ADGRL4: variants seen among roughly 807,000 people sequenced by gnomAD.
ADGRL4 encodes the protein adhesion G protein-coupled receptor L4.
In ADGRL4, 90 loss-of-function variants were observed where a neutral mutation model predicts 74.8. The observed-to-expected ratio is 1.20, with a 90% CI of 1.02 to 1.43. The LOEUF (loss-of-function observed/expected upper bound fraction) is 1.43. ADGRL4 is among the 40% of genes most tolerant of loss of function. The pLI is 0.00. For synonymous variants in ADGRL4, 311 were observed against 279.2 expected (o/e 1.11, Z -1.14); for missense variants, 881 against 814.3 (o/e 1.08, Z -1.00).
intron 2 of ADGRL4, among the ~76,000 whole-genome samples, chr1:78,975,088 A>G (rs1225358087): frequency 1.3e-5 from 2 of 152,134 alleles, no homozygotes; most frequent in Non-Finnish European, 2.9e-5. Context: ...TTTGACTCCT[A>G]TTACAATCAT....
chr1:78,895,250 G>GTATCATTATCCGC (rs1648369416), intron 12 of ADGRL4, among the ~76,000 whole-genome samples: 1 of 151,886 alleles, frequency 6.6e-6, no homozygotes, highest in Admixed American at 6.6e-5. Context: ...CACATTCATT[G>GTATCATTATCCGC]ATAATAATAC....
Position 79,005,212 on chromosome 1 carries a change from A to T in ADGRL4, c.30T>A (p.Phe10Leu). ...TATAGGAACAATTCAACAAAGTGGA[A>T]AAAACCACTAAATAAAATAGAGAAA... The part of the protein sequence containing the change: MKRLPLLVV[F>L]STLLNCSYTQ... Residue 10 changes from phenylalanine to leucine, a missense_variant, in exon 2 of 15, where the codon TTT becomes TTA. Physicochemically the swap from Phe to Leu is conservative, Grantham distance 22 (BLOSUM62 0). Coordinates refer to ENST00000370742, the MANE Select transcript of ADGRL4 (RefSeq NM_022159.4). 1 of 1,604,660 alleles carries T rather than the reference A, an allele frequency of 6.2e-7. No individual in the cohort carries two copies. Among genetic ancestry groups the T allele is most frequent in the Non-Finnish European group, 8.5e-7 (1 of 1,176,678 alleles).
intron 8 of ADGRL4, among the ~76,000 whole-genome samples, chr1:78,923,608 G>T (rs1649045967): frequency 6.6e-6 from 1 of 151,836 alleles, no homozygotes; most frequent in Admixed American, 6.6e-5. Flanking sequence ...AAAGTCAAGA[G>T]CAAGATGATG....
At chr1:78,987,406 A>G (rs1650520162) in intron 2 of ADGRL4, among the ~76,000 whole-genome samples, 1 of 151,788 alleles carries the variant, frequency 6.6e-6, no homozygotes, top group South Asian at 2.1e-4. Flanking sequence ...GGGTAAATAT[A>G]AAATAAACAA....
chr1:78,895,348 A>T (rs932280986), intron 12 of ADGRL4, among the ~76,000 whole-genome samples: 4 of 152,058 alleles, frequency 2.6e-5, no homozygotes, highest in Non-Finnish European at 4.4e-5. Flanking sequence ...AGGGCTAGGT[A>T]CCTACTGATG....
chr1:79,000,860 T>A (rs1650825712), intron 2 of ADGRL4, among the ~76,000 whole-genome samples: 1 of 152,130 alleles, frequency 6.6e-6, no homozygotes, highest in Non-Finnish European at 1.5e-5. Flanking sequence ...ACAAATTTGA[T>A]ACATGACTCT....
intron 7 of ADGRL4, among the ~76,000 whole-genome samples, chr1:78,933,464 G>A (rs1190620637): frequency 1.3e-5 from 2 of 151,472 alleles, no homozygotes; most frequent in Middle Eastern, 3.4e-3. Flanking sequence ...CAAACCCACA[G>A]CCAATATCAT....
chr1:78,972,237 C>T (rs554443693), intron 2 of ADGRL4, among the ~76,000 whole-genome samples: 2 of 152,200 alleles, frequency 1.3e-5, no homozygotes, highest in South Asian at 2.1e-4. Context: ...GTATTTATCT[C>T]CATGGCATAT....
intron 2 of ADGRL4, among the ~76,000 whole-genome samples, chr1:79,001,706 A>C (rs1316305827): frequency 6.6e-6 from 1 of 152,162 alleles, no homozygotes; most frequent in African/African-American, 2.4e-5. Flanking sequence ...CCATCTTTTT[A>C]GGTAAGCAAA....
chr1:78,905,566 A>G (rs1372824460), intron 12 of ADGRL4, among the ~76,000 whole-genome samples: 2 of 152,016 alleles, frequency 1.3e-5, no homozygotes, highest in Non-Finnish European at 2.9e-5. Context: ...GAATACAAAA[A>G]CAAACAAATG....
chr1:78,940,809 C>A lies in ADGRL4; in HGVS notation c.326-1551G>T, dbSNP rs562450565. Among the ~76,000 whole-genome samples the A allele has an allele frequency of 2.0e-5, 3 of 152,090 alleles. No homozygotes were observed. In the East Asian group the frequency reaches 5.8e-4, roughly 29 times the overall value. ...GCTAGTTATCTTAAATGCAGGTGTT[C>A]GTAATTTCTCACTCAAAAATCCAAC... On this transcript the variant is annotated intron_variant, in intron 3 of 14. Coordinates refer to ENST00000370742, the MANE Select transcript of ADGRL4 (RefSeq NM_022159.4).
At chr1:79,003,996 T>C (rs575190829) in intron 2 of ADGRL4, among the ~76,000 whole-genome samples, 1 of 152,188 alleles carries the variant, frequency 6.6e-6, no homozygotes, top group South Asian at 2.1e-4. Context: ...GCTGTACATT[T>C]TTTAAATATT....
chr1:78,933,577 C>T (rs751822099), intron 7 of ADGRL4, among the ~76,000 whole-genome samples: 2 of 151,218 alleles, frequency 1.3e-5, no homozygotes, highest in African/African-American at 2.5e-5. Flanking sequence ...GAGTTCTGGC[C>T]AGGGCAATCA....
At chr1:78,912,534 G>A (rs1184223453) in intron 12 of ADGRL4, among the ~76,000 whole-genome samples, 1 of 151,812 alleles carries the variant, frequency 6.6e-6, no homozygotes, top group African/African-American at 2.4e-5. Context: ...CTCCTTATGA[G>A]AATCTAATGC....
intron 12 of ADGRL4, among the ~76,000 whole-genome samples, chr1:78,897,010 T>G (rs947014018): frequency 1.3e-5 from 2 of 152,192 alleles, no homozygotes; most frequent in African/African-American, 2.4e-5. Flanking sequence ...AATGCCATCT[T>G]GCCTACATAC....
At chr1:79,001,422 A>AAAAGAAAGAAAGAAAG (rs201049265) in intron 2 of ADGRL4, among the ~76,000 whole-genome samples, 40 of 151,890 alleles carry the variant, frequency 2.6e-4, no homozygotes, top group African/African-American at 9.2e-4. Flanking sequence ...CTTAAGACAA[A>AAAAGAAAGAAAGAAAG]AAAGAAAGAA....
At chr1:78,964,497 G>A (rs759794625) in intron 2 of ADGRL4, among the ~76,000 whole-genome samples, 32 of 152,274 alleles carry the variant, frequency 2.1e-4, no homozygotes, top group South Asian at 8.3e-4. Flanking sequence ...ACTGTAGGCA[G>A]CTTAGATTAG....
intron 2 of ADGRL4, among the ~76,000 whole-genome samples, chr1:78,973,363 A>G (rs1395739313): frequency 1.3e-5 from 2 of 151,884 alleles, no homozygotes; most frequent in Non-Finnish European, 2.9e-5. Flanking sequence ...TTATTTGTGA[A>G]TGTTCTACTT....
chr1:78,891,653 G>C lies in ADGRL4; in HGVS notation c.1881C>G (p.Leu627=), dbSNP rs767260258. 3.1e-6 allele frequency: 5 copies of C among 1,613,108 alleles called. No individual in the cohort carries two copies. Among genetic ancestry groups the C allele is most frequent in the Admixed American group, 1.7e-5 (1 of 59,868 alleles). Residue 627 remains leucine, a synonymous_variant, in exon 14 of 15, where the codon CTC becomes CTG. Coordinates refer to ENST00000370742, the MANE Select transcript of ADGRL4 (RefSeq NM_022159.4). ...ARGALALLFL[L]GTTWIFGVLH... ...GAACCCCAAAGATCCAGGTGGTGCC[G>C]AGAAGGAACAGAAGAGCGAGGGCTC...
Sources: gnomAD v4.1 joint callset for allele counts (sites outside exome capture counted in the v4.1 genomes callset) on GRCh38, gnomAD v4.1.1 for gene constraint, MANE v1.5 for transcripts, NCBI Gene and HGNC (gene_info 2026-07-23, HGNC 2026-07-21) for gene names.